Variants in GALNT17 observed in about 807,000 individuals in gnomAD.
GALNT17 encodes UDP-GalNAc:polypeptide N-acetylgalactosaminyltransferase-like 3.
In GALNT17, 29 loss-of-function variants were observed where a neutral mutation model predicts 63.7. The ratio of observed to expected loss-of-function variants is 0.46; its 90% CI spans 0.34 to 0.62. The LOEUF (loss-of-function observed/expected upper bound fraction) is 0.62. Among genes scored for constraint, GALNT17 ranks in the 20% least tolerant of loss-of-function variants. The pLI is 0.01. For synonymous variants in GALNT17, 305 were observed against 318.3 expected, an observed-to-expected ratio of 0.96 and a Z score of 0.45; for missense variants, 603 against 799.6, an observed-to-expected ratio of 0.75 and a Z score of 2.97.
At chr7:71,205,524 G>A (rs1354271934) in intron 1 of GALNT17, among the ~76,000 whole-genome samples, 1 of 152,104 alleles carries the variant, frequency 6.6e-6, no homozygotes, top group Non-Finnish European at 1.5e-5. Context: ...CTGGGCTCAA[G>A]CCATCCTTCC....
chr7:71,495,039 G>A (rs1788072873), intron 5 of GALNT17, among the ~76,000 whole-genome samples: 1 of 152,176 alleles, frequency 6.6e-6, no homozygotes, highest in African/African-American at 2.4e-5. Flanking sequence ...GGGAGACTGA[G>A]GCAGGTAGAT....
intron 1 of GALNT17, among the ~76,000 whole-genome samples, chr7:71,284,872 G>C (rs764481274): frequency 2.0e-5 from 3 of 151,820 alleles, no homozygotes; most frequent in Non-Finnish European, 4.4e-5. Context: ...TTTGTGAAAG[G>C]AAGTTCTGAG....
rs1423822648 is a variant in GALNT17 at position 71,479,475 on chromosome 7, A to G, written c.962+58370A>G. ...AGCATGGTTCAAAGGACACTCTGGT[A>G]GTTAATTGATTCAGGCAAGATAATT... is the stretch of plus-strand genomic sequence containing the variant. On this transcript the variant is annotated intron_variant, in intron 5 of 10. Transcript: ENST00000333538. 2.0e-5 allele frequency among the ~76,000 whole-genome samples: 3 copies of G among 152,322 alleles called. No homozygotes were observed. The East Asian group carries it at 5.8e-4, about 29-fold the overall frequency.
At chr7:71,370,124 C>T (rs1053610781) in intron 2 of GALNT17, among the ~76,000 whole-genome samples, 2 of 152,192 alleles carry the variant, frequency 1.3e-5, no homozygotes, top group Admixed American at 6.5e-5. Flanking sequence ...GGCTCCCATC[C>T]TGTATGGCAT....
chr7:71,682,613 T>C (rs1446268266), intron 9 of GALNT17, among the ~76,000 whole-genome samples: 2 of 151,828 alleles, frequency 1.3e-5, no homozygotes, highest in East Asian at 3.9e-4. Flanking sequence ...GGTGCAATCA[T>C]AGCTCACTGC....
At chr7:71,334,081 A>G (rs1791854834) in intron 1 of GALNT17, among the ~76,000 whole-genome samples, 1 of 152,162 alleles carries the variant, frequency 6.6e-6, no homozygotes, top group African/African-American at 2.4e-5. Flanking sequence ...GCAGCAAGAA[A>G]AGATACCAGG....
intron 6 of GALNT17, among the ~76,000 whole-genome samples, chr7:71,619,391 C>T (rs989952033): frequency 1.3e-5 from 2 of 152,170 alleles, no homozygotes; most frequent in African/African-American, 4.8e-5. Flanking sequence ...GCCATATGGC[C>T]ATTTTTATGA....
chr7:71,667,401 G>T (rs759049285), intron 7 of GALNT17, among the ~76,000 whole-genome samples: 5 of 152,122 alleles, frequency 3.3e-5, no homozygotes, highest in African/African-American at 4.8e-5. Context: ...CATTCGTTGA[G>T]CACTTACTAT....
chr7:71,510,037 T>C (rs967499790), intron 5 of GALNT17, among the ~76,000 whole-genome samples: 2 of 152,044 alleles, frequency 1.3e-5, no homozygotes, highest in African/African-American at 4.8e-5. Context: ...CTTGAACTCC[T>C]GGGCTCAAGC....
chr7:71,688,053 G>C (rs1340196769), intron 9 of GALNT17, among the ~76,000 whole-genome samples: 2 of 152,182 alleles, frequency 1.3e-5, no homozygotes, highest in Non-Finnish European at 2.9e-5. Flanking sequence ...AGATGAAACA[G>C]AAAATAGGAG....
intron 1 of GALNT17, among the ~76,000 whole-genome samples, chr7:71,205,646 A>G (rs1421442883): frequency 2.0e-5 from 3 of 152,054 alleles, no homozygotes; most frequent in Admixed American, 6.6e-5. Context: ...GCTGGTTTTG[A>G]ATTTTTTTGA....
At chr7:71,498,410 T>C (rs1181873870) in intron 5 of GALNT17, among the ~76,000 whole-genome samples, 3 of 151,832 alleles carry the variant, frequency 2.0e-5, no homozygotes, top group East Asian at 1.9e-4. Context: ...CTGGTGGAGG[T>C]TGCAGTGAGC....
chr7:71,299,239 T>C (rs1231015929), intron 1 of GALNT17, among the ~76,000 whole-genome samples: 2 of 152,134 alleles, frequency 1.3e-5, no homozygotes, highest in East Asian at 3.9e-4. Context: ...AGGCCAGTGC[T>C]CTTGCATGTT....
At chr7:71,286,504 T>TATTCCC (rs374177053) in intron 1 of GALNT17, among the ~76,000 whole-genome samples, 372 of 152,328 alleles carry the variant, frequency 2.4e-3, no homozygotes, top group African/African-American at 8.5e-3. Context: ...GGGCCAGTAT[T>TATTCCC]ATTCCCGTTC....
intron 2 of GALNT17, among the ~76,000 whole-genome samples, chr7:71,387,945 A>T (rs1444536868): frequency 6.6e-6 from 1 of 152,112 alleles, no homozygotes; most frequent in Admixed American, 6.5e-5. Flanking sequence ...TGAACCCACT[A>T]AGTGCTCCAT....
chr7:71,641,199 CAA>C (rs1179790083), intron 6 of GALNT17, among the ~76,000 whole-genome samples: 4 of 152,166 alleles, frequency 2.6e-5, no homozygotes, highest in Non-Finnish European at 5.9e-5. Flanking sequence ...CATAGAAAAA[CAA>C]AGTCTTCTTA....
chr7:71,310,374 A>G (rs796181621), intron 1 of GALNT17, among the ~76,000 whole-genome samples: 36 of 152,294 alleles, frequency 2.4e-4, no homozygotes, highest in African/African-American at 8.4e-4. Flanking sequence ...GTCTTTGTAA[A>G]TGTAACTTCA....
At chr7:71,575,476 G>A (rs897145058) in intron 6 of GALNT17, among the ~76,000 whole-genome samples, 3 of 151,130 alleles carry the variant, frequency 2.0e-5, no homozygotes, top group Non-Finnish European at 4.4e-5. Context: ...TGCAGGCTCC[G>A]CCCTCGAGTT....
In GALNT17 at chr7:71,678,878, A is replaced by G. The variant is rs138127537; in HGVS notation, c.1500+1572A>G. Among the ~76,000 whole-genome samples, 1,097 of 150,882 alleles carry G rather than the reference A, an allele frequency of 7.3e-3. 13 individuals carry two copies. Among genetic ancestry groups the G allele is most frequent in the African/African-American group, 0.025 (1,021 of 41,054 alleles). ...GAGGCTGAGGCAGGAGAATCACTTG[A>G]ACCTGGGAGGTGGAGTTTCAGTGAG... On this transcript the variant is annotated intron_variant, in intron 9 of 10. Transcript: ENST00000333538.
Sources: gnomAD v4.1 joint callset for allele counts (sites outside exome capture counted in the v4.1 genomes callset) on GRCh38, gnomAD v4.1.1 for gene constraint, MANE v1.5 for transcripts, NCBI Gene and HGNC (gene_info 2026-07-23, HGNC 2026-07-21) for gene names.